MAGI2: variants seen among roughly 807,000 people sequenced by gnomAD.
MAGI2 encodes membrane-associated guanylate kinase, WW and PDZ domain-containing protein 2.
A neutral mutation model predicts 133.3 loss-of-function variants in MAGI2; 35 were observed. That is an observed-to-expected ratio of 0.26 (90% CI 0.20 to 0.35). The LOEUF (loss-of-function observed/expected upper bound fraction) is 0.35. MAGI2 is among the 10% of genes least tolerant of loss of function. The pLI is 1.00. For synonymous variants in MAGI2, 729 were observed against 710.6 expected, an observed-to-expected ratio of 1.03 and a Z score of -0.41; for missense variants, 1,636 against 1,863.4, an observed-to-expected ratio of 0.88 and a Z score of 2.25.
chr7:79,132,162 A>G (rs1469579036), intron 1 of MAGI2, among the ~76,000 whole-genome samples: 2 of 152,114 alleles, frequency 1.3e-5, no homozygotes, highest in African/African-American at 4.8e-5. Context: ...TTTTGTTTCA[A>G]TAGTTTTTGA....
intron 2 of MAGI2, among the ~76,000 whole-genome samples, chr7:78,636,659 G>C (rs183336444): frequency 6.6e-6 from 1 of 152,144 alleles, no homozygotes; most frequent in South Asian, 2.1e-4. Flanking sequence ...TTAGCTGGGC[G>C]TGGTGGCGGG....
intron 21 of MAGI2, among the ~76,000 whole-genome samples, chr7:78,054,635 A>G (rs1812370238): frequency 6.8e-6 from 1 of 146,108 alleles, no homozygotes; most frequent in Non-Finnish European, 1.5e-5. Flanking sequence ...GGAGGGAAGG[A>G]CCTGACTTGC....
chr7:78,937,314 A>G (rs1218855389), intron 2 of MAGI2, among the ~76,000 whole-genome samples: 2 of 152,178 alleles, frequency 1.3e-5, no homozygotes, highest in African/African-American at 4.8e-5. Flanking sequence ...GAATAAAAAC[A>G]TAATTGGGGA....
intron 18 of MAGI2, 32 bp downstream of exon 18, chr7:78,132,857 C>T (rs199915876): frequency 1.7e-5 from 28 of 1,614,088 alleles, no homozygotes; most frequent in Non-Finnish European, 2.5e-6. Context: ...CCTATCACCT[C>T]TCAGAATCAC....
In MAGI2 at chr7:78,446,874, A is replaced by G. The variant is rs185377671; in HGVS notation, c.1045+42887T>C. Among the ~76,000 whole-genome samples the G allele has an allele frequency of 2.5e-4, 38 of 152,234 alleles. No individual in the cohort carries two copies. The East Asian group carries it at 7.2e-3, about 29-fold the overall frequency. Reference sequence around the variant, plus strand: ...ACAACCATATATCAGCCGAAGAGTTACTAAACCCATCTAAGTTGTGACTAT... The same window carrying G: ...ACAACCATATATCAGCCGAAGAGTTGCTAAACCCATCTAAGTTGTGACTAT... On this transcript the variant is annotated intron_variant, in intron 6 of 21. Transcript: ENST00000354212.
intron 1 of MAGI2, chr7:79,412,469 A>G (rs1377776968): frequency 6.6e-6 from 1 of 152,148 alleles, no homozygotes; most frequent in Admixed American, 6.6e-5. Context: ...GCTAGGTCCC[A>G]TTGTGTCGTG....
chr7:78,980,995 T>C (rs113140674), intron 2 of MAGI2, among the ~76,000 whole-genome samples: 3,718 of 151,762 alleles, frequency 0.024, 149 homozygotes, highest in African/African-American at 0.084. Context: ...TTTGTTGTTG[T>C]TGAAAGTTTT....
chr7:78,171,897 G>T (rs1167525162), intron 14 of MAGI2, among the ~76,000 whole-genome samples: 6 of 88,732 alleles, frequency 6.8e-5, no homozygotes, highest in Non-Finnish European at 1.2e-4. Context: ...TTGTTTGTTT[G>T]TTTGTTTTTT....
At chr7:79,115,874 T>TTG (rs1819363703) in intron 1 of MAGI2, among the ~76,000 whole-genome samples, 2 of 149,914 alleles carry the variant, frequency 1.3e-5, no homozygotes, top group African/African-American at 4.9e-5. Flanking sequence ...TTTTTTTTTT[T>TTG]TTTTTTTTAA....
chr7:79,409,227 AT>A (rs554532115), intron 1 of MAGI2, among the ~76,000 whole-genome samples: 79 of 149,018 alleles, frequency 5.3e-4, no homozygotes, highest in Admixed American at 1.5e-3. Flanking sequence ...AATTAAAAAA[AT>A]TTTTTTTCAG....
At chr7:79,015,941 G>GA (rs1808662944) in intron 1 of MAGI2, among the ~76,000 whole-genome samples, 1 of 145,820 alleles carries the variant, frequency 6.9e-6, no homozygotes, top group African/African-American at 2.5e-5. Context: ...AAAGGGGCAG[G>GA]AAGCAGGGAA....
intron 3 of MAGI2, among the ~76,000 whole-genome samples, chr7:78,544,818 G>C (rs572495353): frequency 5.2e-4 from 79 of 151,858 alleles, no homozygotes; most frequent in Non-Finnish European, 7.5e-4. Flanking sequence ...TGGGCAATAA[G>C]AGTGAAACTC....
intron 9 of MAGI2, among the ~76,000 whole-genome samples, chr7:78,315,054 A>G (rs1436934669): frequency 6.6e-6 from 1 of 152,182 alleles, no homozygotes; most frequent in Admixed American, 6.5e-5. Flanking sequence ...GTCCATTTGT[A>G]TAACTTTAGA....
rs148925974 is a variant in MAGI2, at chr7:79,051,090, T to A, written c.302-43884A>T. Among the ~76,000 whole-genome samples, 9 of 152,326 alleles carry A rather than the reference T, an allele frequency of 5.9e-5. No individual in the cohort carries two copies. The East Asian group carries it at 1.7e-3, about 29-fold the overall frequency. On this transcript the variant is annotated intron_variant, in intron 1 of 21. Transcript: ENST00000354212. ...CTTGGCTAAAATGAGTAACTGATACTTTTTTACCAAGTAGTTTGATCCTCA... is the reference window on the plus strand; with the variant it reads ...CTTGGCTAAAATGAGTAACTGATACATTTTTACCAAGTAGTTTGATCCTCA...
rs113417242 is a variant in MAGI2, at chr7:78,732,297, A to G, written c.419-105058T>C. ...AGTTTTTGAAGACTCTGAGCCCCAG[A>G]TATGTCCTATGAGGACAGATTTCCA... is the stretch of plus-strand genomic sequence containing the variant. On this transcript the variant is annotated intron_variant, in intron 2 of 21. Coordinates refer to ENST00000354212, the MANE Select transcript of MAGI2 (RefSeq NM_012301.4). Among the ~76,000 whole-genome samples, 1,052 of 152,280 alleles carry G rather than the reference A, an allele frequency of 6.9e-3. 6 individuals carry two copies. Among genetic ancestry groups the G allele is most frequent in the Non-Finnish European group, 9.7e-3 (659 of 67,980 alleles).
chr7:78,816,745 T>C (rs1789618221), intron 2 of MAGI2, among the ~76,000 whole-genome samples: 1 of 152,092 alleles, frequency 6.6e-6, no homozygotes. Flanking sequence ...AAAAAAAAGA[T>C]TCCTTTCAAA....
At chr7:78,707,337 T>G (rs1000307299) in intron 2 of MAGI2, among the ~76,000 whole-genome samples, 1 of 152,132 alleles carries the variant, frequency 6.6e-6, no homozygotes, top group African/African-American at 2.4e-5. Context: ...GATGTGTTAT[T>G]AACAAAAATT....
intron 2 of MAGI2, among the ~76,000 whole-genome samples, chr7:78,803,280 A>G (rs1041636239): frequency 3.3e-5 from 5 of 152,216 alleles, no homozygotes; most frequent in Admixed American, 3.3e-4. Flanking sequence ...AAAGAGTATT[A>G]AATGCAATAT....
intron 12 of MAGI2, among the ~76,000 whole-genome samples, chr7:78,190,318 A>T (rs769105083): frequency 6.6e-6 from 1 of 152,242 alleles, no homozygotes; most frequent in Non-Finnish European, 1.5e-5. Flanking sequence ...CAAACATTGT[A>T]TCAGCCAAAT....
Sources: gnomAD v4.1 joint callset for allele counts (sites outside exome capture counted in the v4.1 genomes callset) on GRCh38, gnomAD v4.1.1 for gene constraint, MANE v1.5 for transcripts, NCBI Gene and HGNC (gene_info 2026-07-23, HGNC 2026-07-21) for gene names.